SPOCK3: variants seen among roughly 807,000 people sequenced by gnomAD.
SPOCK3 encodes the protein SPARC (osteonectin), cwcv and kazal like domains proteoglycan 3, also known as testican-3.
SPOCK3 carries 30 observed loss-of-function variants against 56.6 expected under a neutral mutation model. That is an observed-to-expected ratio of 0.53 (90% confidence interval 0.40 to 0.72). The LOEUF (loss-of-function observed/expected upper bound fraction) is 0.72. Ranked by LOEUF, SPOCK3 falls within the 30% of genes least tolerant of loss-of-function variation. SPOCK3 has a pLI of 0.00. For synonymous variants in SPOCK3, 196 were observed against 183.3 expected, an observed-to-expected ratio of 1.07 and a Z score of -0.56; for missense variants, 527 against 530.0, an observed-to-expected ratio of 0.99 and a Z score of 0.06.
chr4:167,149,644 G>A (rs534548395), intron 2 of SPOCK3, among the ~76,000 whole-genome samples: 233 of 152,072 alleles, frequency 1.5e-3, no homozygotes, highest in Non-Finnish European at 2.9e-3. Flanking sequence ...GTTTGCACAT[G>A]AACACATGGC....
intron 8 of SPOCK3, among the ~76,000 whole-genome samples, chr4:166,750,498 A>C (rs1736233233): frequency 6.6e-6 from 1 of 152,006 alleles, no homozygotes; most frequent in Non-Finnish European, 1.5e-5. Flanking sequence ...CAAATTAATA[A>C]AATATAAAAT....
intron 4 of SPOCK3, among the ~76,000 whole-genome samples, chr4:166,986,149 A>G (rs1747134470): frequency 1.3e-5 from 2 of 152,206 alleles, no homozygotes; most frequent in South Asian, 4.1e-4. Context: ...AAATTTTATC[A>G]TGTTTCACTT....
chr4:166,770,667 C>T (rs1394920390), intron 7 of SPOCK3, among the ~76,000 whole-genome samples: 1 of 152,090 alleles, frequency 6.6e-6, no homozygotes, highest in Non-Finnish European at 1.5e-5. Context: ...GTTTTAAACA[C>T]AACCGTATTG....
At chr4:167,104,000 T>C (rs953384108) in intron 2 of SPOCK3, among the ~76,000 whole-genome samples, 4 of 152,112 alleles carry the variant, frequency 2.6e-5, no homozygotes, top group Non-Finnish European at 5.9e-5. Context: ...AGTACCACAA[T>C]GAGTATGCAA....
At chr4:167,195,904 C>T (rs1055238325) in intron 2 of SPOCK3, among the ~76,000 whole-genome samples, 3 of 152,142 alleles carry the variant, frequency 2.0e-5, no homozygotes, top group Non-Finnish European at 2.9e-5. Flanking sequence ...TGAATGGCTG[C>T]CAAGTTACTA....
At chr4:167,056,601 G>A (rs886581742) in intron 3 of SPOCK3, among the ~76,000 whole-genome samples, 15 of 152,180 alleles carry the variant, frequency 9.9e-5, no homozygotes, top group African/African-American at 3.4e-4. Flanking sequence ...AGGAGCTGAT[G>A]GAGCTGAAAG....
At chr4:167,044,587 G>A (rs947157002) in intron 3 of SPOCK3, among the ~76,000 whole-genome samples, 5 of 151,776 alleles carry the variant, frequency 3.3e-5, no homozygotes, top group Non-Finnish European at 7.4e-5. Flanking sequence ...TTCACTGCAC[G>A]CCACAAACAA....
At position 166,895,074 on chromosome 4, in the gene SPOCK3, T is replaced by C. The variant is rs1735230361; in HGVS notation, c.475-5830A>G. 2.6e-5 allele frequency among the ~76,000 whole-genome samples: 4 copies of C among 152,260 alleles called. 1 individual carries two copies. The Middle Eastern group carries it at 0.01, about 388-fold the overall frequency. On this transcript the variant is annotated intron_variant, in intron 5 of 10. Transcript: ENST00000357545. ...ATTTTATTTGTTTAATTAAACTTTGTCATTCAAATCAAAATTCTTGTTTGA... is the reference window on the plus strand; with the variant it reads ...ATTTTATTTGTTTAATTAAACTTTGCCATTCAAATCAAAATTCTTGTTTGA...
chr4:166,788,839 T>G (rs7670065), intron 7 of SPOCK3, among the ~76,000 whole-genome samples: 35,110 of 151,720 alleles, frequency 0.23, 4,595 homozygotes, highest in East Asian at 0.39. Context: ...AATGTAAAAA[T>G]TATAAAAGAT....
In SPOCK3 at chr4:166,735,005, C is replaced by G; in HGVS notation, c.1218G>C (p.Met406Ile). The G allele has an allele frequency of 6.4e-7, 1 of 1,554,908 alleles. No individual in the cohort carries two copies. The highest frequency in any genetic ancestry group is 8.9e-7 in the Non-Finnish European group (1 of 1,126,828). The change falls in exon 11 of 11, where the codon ATG becomes ATC. Residue 406 changes from methionine (M) to isoleucine (I), a missense_variant. Coordinates refer to ENST00000357545, the MANE Select transcript of SPOCK3 (RefSeq NM_001040159.2). ...CATCTTCAATTTCATCTTCATCATT[C>G]ATAATATCGTCTTCATCATCCTCAT... ...TDDEDDEDDI[M>I]NDEDEIEDDD...
chr4:167,033,091 T>C (rs1752422584), intron 3 of SPOCK3, among the ~76,000 whole-genome samples: 1 of 151,974 alleles, frequency 6.6e-6, no homozygotes, highest in Admixed American at 6.6e-5. Context: ...GCAGGACATA[T>C]TAGTCATAAT....
At chr4:166,986,630 T>A (rs752327738) in intron 4 of SPOCK3, among the ~76,000 whole-genome samples, 3 of 152,048 alleles carry the variant, frequency 2.0e-5, no homozygotes, top group Non-Finnish European at 4.4e-5. Context: ...CAATTTGTGA[T>A]CACTACCACC....
At chr4:166,855,147 A>C (rs1366834421) in intron 6 of SPOCK3, among the ~76,000 whole-genome samples, 2 of 152,122 alleles carry the variant, frequency 1.3e-5, no homozygotes, top group Admixed American at 6.6e-5. Flanking sequence ...GCTGTCAGTG[A>C]ATTTTCAGCA....
chr4:167,014,611 T>A (rs907062863), intron 3 of SPOCK3, among the ~76,000 whole-genome samples: 4 of 152,136 alleles, frequency 2.6e-5, no homozygotes, highest in Admixed American at 6.6e-5. Flanking sequence ...GCTATGATAA[T>A]ACCACTATGC....
intron 2 of SPOCK3, among the ~76,000 whole-genome samples, chr4:167,108,025 T>C (rs1424825885): frequency 2.0e-5 from 3 of 151,860 alleles, no homozygotes; most frequent in Non-Finnish European, 4.4e-5. Context: ...AATGAAGACA[T>C]ACAAATGGCA....
chr4:166,863,265 G>A (rs529066174), intron 6 of SPOCK3, among the ~76,000 whole-genome samples: 1 of 152,002 alleles, frequency 6.6e-6, no homozygotes, highest in African/African-American at 2.4e-5. Context: ...ATATGGAAAG[G>A]AGCTCTTTCC....
chr4:166,931,283 A>G (rs1011611207), intron 4 of SPOCK3, among the ~76,000 whole-genome samples: 4 of 146,836 alleles, frequency 2.7e-5, no homozygotes, highest in Non-Finnish European at 6.0e-5. Flanking sequence ...CTCCCGGCCC[A>G]GAGGCAATTT....
intron 2 of SPOCK3, among the ~76,000 whole-genome samples, chr4:167,088,673 C>T (rs1758425978): frequency 6.6e-6 from 1 of 151,914 alleles, no homozygotes. Flanking sequence ...CCTCCTTGGC[C>T]AGGATGGTCT....
intron 4 of SPOCK3, among the ~76,000 whole-genome samples, chr4:166,934,484 C>T (rs1459694749): frequency 5.3e-5 from 8 of 151,588 alleles, no homozygotes; most frequent in Non-Finnish European, 7.4e-5. Flanking sequence ...GGCGACAGAG[C>T]GAGACTCCGT....
Sources: allele counts gnomAD v4.1 joint callset (sites outside exome capture counted in the v4.1 genomes callset), GRCh38; gene constraint gnomAD v4.1.1; transcripts MANE v1.5; gene names NCBI Gene and HGNC (gene_info 2026-07-23, HGNC 2026-07-21).